B4GALT5: variants seen among roughly 807,000 people sequenced by gnomAD.
The protein encoded by B4GALT5 is UDP-Gal:beta-GlcNAc beta-1,4-galactosyltransferase 5.
In B4GALT5, 11 loss-of-function variants were observed where a neutral mutation model predicts 45.0. That is an observed-to-expected ratio of 0.24 (90% CI 0.15 to 0.40). The LOEUF is 0.40. Ranked by LOEUF, B4GALT5 falls within the 10% of genes least tolerant of loss-of-function variation. The pLI, the probability that B4GALT5 is intolerant of heterozygous loss-of-function variation, is 1.00. For missense variants in B4GALT5, 337 were observed against 500.2 expected (o/e 0.67, Z 3.11); for synonymous variants, 185 against 182.9 (o/e 1.01, Z -0.09).
chr20:49,687,235 C>A (rs776243012), intron 1 of B4GALT5, among the ~76,000 whole-genome samples: 4 of 152,242 alleles, frequency 2.6e-5, no homozygotes, highest in Non-Finnish European at 4.4e-5. Flanking sequence ...TTGAGAAACT[C>A]TGCCTTAGAC....
intron 1 of B4GALT5, among the ~76,000 whole-genome samples, chr20:49,710,348 C>T (rs1445793750): frequency 6.6e-6 from 1 of 150,682 alleles, no homozygotes; most frequent in African/African-American, 2.4e-5. Flanking sequence ...TTTTGACCTG[C>T]AAAAACAGAA....
At chr20:49,674,587 A>C (rs910702691) in intron 1 of B4GALT5, among the ~76,000 whole-genome samples, 7 of 151,670 alleles carry the variant, frequency 4.6e-5, no homozygotes, top group Admixed American at 2.6e-4. Context: ...TGCTCATGGA[A>C]GGGGAAGGGA....
In B4GALT5 at chr20:49,636,173, T is replaced by C. The variant is rs1028210968; in HGVS notation, c.*139A>G. ...CGTTTGTGCGTGTGCTGTCACATTT[T>C]CCCCCTGAACTCTGTGATCCTTCAT... On this transcript the variant is annotated 3_prime_UTR_variant, in exon 9 of 9. Transcript: ENST00000371711. The C allele has an allele frequency of 1.8e-5, 21 of 1,156,298 alleles. No individual in the cohort carries two copies. The highest frequency in any genetic ancestry group is 2.4e-5 in the Non-Finnish European group (20 of 820,960). The allele number at this position is 1,156,298 out of a possible 1,614,324, so 71.6% of individuals were successfully genotyped here. A position where few individuals can be genotyped will look rare whatever the true frequency, so the allele number is the denominator to read the frequency against.
At chr20:49,711,255 T>C (rs1207802049) in intron 1 of B4GALT5, among the ~76,000 whole-genome samples, 1 of 152,146 alleles carries the variant, frequency 6.6e-6, no homozygotes, top group African/African-American at 2.4e-5. Flanking sequence ...CTCTGCCTCT[T>C]TTTCAGCTAT....
At chr20:49,707,636 A>G (rs1191182512) in intron 1 of B4GALT5, among the ~76,000 whole-genome samples, 1 of 152,090 alleles carries the variant, frequency 6.6e-6, no homozygotes, top group Non-Finnish European at 1.5e-5. Context: ...TTGTTTGGAG[A>G]CAGGGTCTCA....
At chr20:49,667,552 CTGT>C (rs1296084379) in intron 1 of B4GALT5, among the ~76,000 whole-genome samples, 3 of 149,052 alleles carry the variant, frequency 2.0e-5, no homozygotes, top group South Asian at 2.1e-4. Context: ...CGCGCCCGGC[CTGT>C]TGTTGTTTTT....
At chr20:49,691,683 C>T (rs370917580) in intron 1 of B4GALT5, among the ~76,000 whole-genome samples, 3 of 152,120 alleles carry the variant, frequency 2.0e-5, no homozygotes, top group Non-Finnish European at 2.9e-5. Context: ...AGCTCAATTA[C>T]GTTTTTGAAA....
At chr20:49,658,313 G>C (rs547923391) in intron 1 of B4GALT5, among the ~76,000 whole-genome samples, 2 of 152,220 alleles carry the variant, frequency 1.3e-5, no homozygotes, top group South Asian at 2.1e-4. Context: ...CACAGTAGGG[G>C]GGCAGTCCAC....
chr20:49,706,641 T>C lies in B4GALT5; in HGVS notation c.115+6935A>G, dbSNP rs150376429. 7.9e-5 allele frequency among the ~76,000 whole-genome samples: 12 copies of C among 152,296 alleles called. No homozygotes were observed. In the East Asian group the frequency reaches 1.7e-3, roughly 22 times the overall value. The stretch of plus-strand genomic sequence containing the variant: ...GTGTGCAAAGGCAAGCATACCTTTA[T>C]TGGCTACTAGAAAGTGAAGAACAAC... On this transcript the variant is annotated intron_variant, in intron 1 of 8. Transcript: ENST00000371711.
At position 49,633,385 on chromosome 20, in the gene B4GALT5, T is replaced by C. The variant is rs1190379654; in HGVS notation, c.*2927A>G. The C allele has an allele frequency of 7.2e-6, 1 of 139,036 alleles. No homozygotes were observed. The highest frequency in any genetic ancestry group is 1.5e-5 in the Non-Finnish European group (1 of 66,172). 8.6% of individuals were successfully genotyped at this position (139,036 alleles called of 1,614,324 possible). ...ACAAGATTAAGGGGCCACCCATCAG[T>C]AGCCTTGAAGATTTTCAGCTACCAA... On this transcript the variant is annotated 3_prime_UTR_variant, in exon 9 of 9. Transcript: ENST00000371711.
chr20:49,699,385 A>C (rs1192613528), intron 1 of B4GALT5, among the ~76,000 whole-genome samples: 1 of 151,690 alleles, frequency 6.6e-6, no homozygotes, highest in Non-Finnish European at 1.5e-5. Flanking sequence ...AAAAAAAAAA[A>C]AAAACCCCAC....
chr20:49,636,249 A>G lies in B4GALT5; in HGVS notation c.*63T>C. On this transcript the variant is annotated 3_prime_UTR_variant, in exon 9 of 9. Coordinates refer to ENST00000371711, the MANE Select transcript of B4GALT5 (RefSeq NM_004776.4). ...CTGTGTAGACCCTCCCCCCTCCAAAAAAAAATCTCATCGGACTGCTTTCTT... is the reference window on the plus strand; with the variant it reads ...CTGTGTAGACCCTCCCCCCTCCAAAGAAAAATCTCATCGGACTGCTTTCTT... 6.3e-7 allele frequency: 1 copy of G among 1,587,504 alleles called. No individual in the cohort carries two copies. Among genetic ancestry groups the G allele is most frequent in the South Asian group, 1.1e-5 (1 of 88,764 alleles).
intron 1 of B4GALT5, among the ~76,000 whole-genome samples, chr20:49,695,257 CA>C (rs927491237): frequency 6.0e-5 from 9 of 151,246 alleles, no homozygotes; most frequent in Non-Finnish European, 1.3e-4. Context: ...GCTGGAGTGG[CA>C]CAACACACAA....
rs141448540 is a variant in B4GALT5, at chr20:49,701,437, G to A, written c.115+12139C>T. 9.7e-4 allele frequency among the ~76,000 whole-genome samples: 147 copies of A among 151,152 alleles called. 2 individuals are homozygous for A. Among genetic ancestry groups the A allele is most frequent in the African/African-American group, 2.9e-3 (120 of 41,356 alleles). The stretch of plus-strand genomic sequence containing the variant: ...GTTAGATTTTTCTATTTCCTCATTC[G>A]TCAGCATTTGACATCATTTTCTGAT... On this transcript the variant is annotated intron_variant, in intron 1 of 8. Coordinates refer to ENST00000371711, the MANE Select transcript of B4GALT5 (RefSeq NM_004776.4).
chr20:49,640,286 G>A (rs1035851783), intron 6 of B4GALT5, among the ~76,000 whole-genome samples, 192 bp downstream of exon 6: 9 of 152,258 alleles, frequency 5.9e-5, no homozygotes, highest in Admixed American at 4.6e-4. Context: ...AAGTTCATCC[G>A]TGTTTTGGCA....
chr20:49,667,413 G>A (rs746221443), intron 1 of B4GALT5, among the ~76,000 whole-genome samples: 28 of 152,032 alleles, frequency 1.8e-4, no homozygotes, highest in Non-Finnish European at 3.8e-4. Context: ...CACCTCGCCC[G>A]GCTAATTTTT....
chr20:49,713,676 C>A lies in B4GALT5; in HGVS notation c.15G>T (p.Arg5=), dbSNP rs747199829. Residue 5 remains arginine, a synonymous_variant, in exon 1 of 9, where the codon CGG becomes CGT. Transcript: ENST00000371711. MRAR[R]GLLRLPRRSL... Reference sequence around the variant, plus strand: ...AGCGGCGCGGCAGCCGCAGCAGCCCCCGGCGGGCGCGCATGCTGCAGCCAG... The same window carrying A: ...AGCGGCGCGGCAGCCGCAGCAGCCCACGGCGGGCGCGCATGCTGCAGCCAG... 2.0e-5 allele frequency: 30 copies of A among 1,507,990 alleles called. No homozygotes were observed. The East Asian group carries it at 4.0e-4, about 20-fold the overall frequency. The allele number at this position is 1,507,990 out of a possible 1,614,324, so 93.4% of individuals were successfully genotyped here.
At chr20:49,645,026 A>G (rs897901472) in intron 3 of B4GALT5, among the ~76,000 whole-genome samples, 2 of 152,196 alleles carry the variant, frequency 1.3e-5, no homozygotes, top group African/African-American at 4.8e-5. Context: ...CTTACACGAG[A>G]TTCAAAAAAA....
Position 49,656,549 on chromosome 20 carries a change from C to A in B4GALT5, c.250+19G>T. On this transcript the variant is annotated intron_variant, in intron 2 of 8. Transcript: ENST00000371711. ...GGAGGAGACATTCTAATCAGACCAC[C>A]TCTTTACTAAAAATATACCTGAGTC... 6.2e-7 allele frequency: 1 copy of A among 1,613,910 alleles called. No individual in the cohort carries two copies. Among genetic ancestry groups the A allele is most frequent in the Non-Finnish European group, 8.5e-7 (1 of 1,179,910 alleles).
Sources: gnomAD v4.1 joint callset for allele counts (sites outside exome capture counted in the v4.1 genomes callset) on GRCh38, gnomAD v4.1.1 for gene constraint, MANE v1.5 for transcripts, NCBI Gene and HGNC (gene_info 2026-07-23, HGNC 2026-07-21) for gene names.